The following PHF8 variants were observed in gnomAD, a reference collection of about 807,000 sequenced individuals.
PHF8 encodes histone lysine demethylase PHF8.
Under a neutral mutation model 74.4 loss-of-function variants are expected in PHF8, and 9 were observed. That is an observed-to-expected ratio of 0.12 (90% CI 0.07 to 0.21). PHF8 has a LOEUF of 0.21. PHF8 is among the 10% of genes least tolerant of loss of function. The pLI, the probability that PHF8 is intolerant of heterozygous loss-of-function variation, is 1.00. For synonymous variants in PHF8, 311 were observed against 316.6 expected (o/e 0.98, Z 0.19); for missense variants, 478 against 816.6 (o/e 0.59, Z 5.05).
chrX:54,042,434 A>G (rs1387787501), intron 2 of PHF8, among the ~76,000 whole-genome samples, 197 bp downstream of exon 2: 1 of 109,973 alleles, frequency 9.1e-6, no homozygotes, highest in Non-Finnish European at 1.9e-5. Flanking sequence ...GAAGAAATAC[A>G]TAGGGGAAAA....
chrX:53,959,087 C>T (rs1179971072), intron 19 of PHF8, among the ~76,000 whole-genome samples: 1 of 111,382 alleles, frequency 9.0e-6, no homozygotes, highest in Non-Finnish European at 1.9e-5. Flanking sequence ...TATTTATAAA[C>T]AATGGCATAG....
chrX:53,999,682 T>C (rs1158210763), intron 11 of PHF8, 188 bp downstream of exon 11: 1 of 426,605 alleles, frequency 2.3e-6, no homozygotes, highest in Non-Finnish European at 4.1e-6. Flanking sequence ...TGTGATGTTG[T>C]ATTACTTTTT....
chrX:54,009,735 C>A lies in PHF8; in HGVS notation c.946+1387G>T, dbSNP rs188792670. 7.9e-3 allele frequency among the ~76,000 whole-genome samples: 815 copies of A among 102,951 alleles called. 3 individuals are homozygous for A. Among genetic ancestry groups the A allele is most frequent in the Middle Eastern group, 0.015 (3 of 201 alleles). The allele number at this position is 102,951 out of a possible 115,157, so 89.4% of individuals were successfully genotyped here. A position where few individuals can be genotyped will look rare whatever the true frequency, so the allele number is the denominator to read the frequency against. On this transcript the variant is annotated intron_variant, in intron 8 of 21. Transcript: ENST00000338154. ...GCAGGCACCTGTAATCCCAGCTACT[C>A]AGGAGGCTGAGGCAAGAGAATCACC... is the stretch of plus-strand genomic sequence containing the variant.
chrX:54,005,950 C>A (rs782010426), intron 8 of PHF8, among the ~76,000 whole-genome samples: 1 of 111,865 alleles, frequency 8.9e-6, no homozygotes, highest in Non-Finnish European at 1.9e-5. Flanking sequence ...TGGGTGAATA[C>A]CATAGAATTT....
intron 18 of PHF8, among the ~76,000 whole-genome samples, chrX:53,983,452 A>G (rs950261146): frequency 2.7e-5 from 3 of 111,786 alleles, no homozygotes; most frequent in Non-Finnish European, 5.6e-5. Context: ...AAAACAAACA[A>G]GACACCATCT....
At chrX:53,982,133 G>A (rs1557098185) in intron 18 of PHF8, among the ~76,000 whole-genome samples, 1 of 112,313 alleles carries the variant, frequency 8.9e-6, no homozygotes. Flanking sequence ...ATCAAGTCCA[G>A]ACATCTTAGC....
chrX:53,978,434 T>C (rs1301120772), intron 18 of PHF8, among the ~76,000 whole-genome samples: 1 of 112,084 alleles, frequency 8.9e-6, no homozygotes, highest in Non-Finnish European at 1.9e-5. Flanking sequence ...GTATAATCCA[T>C]ACAATGGAAT....
At position 53,985,816 on chromosome X, in the gene PHF8, G is replaced by A. The variant is rs367984813; in HGVS notation, c.2129C>T (p.Thr710Ile). 2.7e-5 allele frequency: 33 copies of A among 1,209,886 alleles called. No individual in the cohort carries two copies. The highest frequency in any genetic ancestry group is 8.8e-5 in the South Asian group (5 of 56,767). ...AGGGGAGATAAAAGCCAGTACTCAC[G>A]TGAGGGCAGCATAGTCAGGTCCCCC... ...QVGGPDYAAL[T>I]EAPASPSTQE... The change falls in exon 17 of 22, where the codon ACC becomes ATC. Residue 710 changes from threonine to isoleucine, a missense_variant and splice_region_variant. By Grantham distance (89) the Thr-to-Ile change is moderately conservative (BLOSUM62 -1). Transcript: ENST00000338154.
At chrX:54,039,315 G>A (rs2146517070) in intron 2 of PHF8, among the ~76,000 whole-genome samples, 1 of 111,669 alleles carries the variant, frequency 9.0e-6, no homozygotes, top group East Asian at 2.8e-4. Context: ...TAAGCCTGGT[G>A]TGTTTCTGTG....
chrX:54,014,933 C>T (rs1309283343), intron 6 of PHF8, among the ~76,000 whole-genome samples: 2 of 112,003 alleles, frequency 1.8e-5, no homozygotes, highest in African/African-American at 3.2e-5. Flanking sequence ...ACTAGAGCAA[C>T]CTCACAGGGC....
chrX:54,017,587 G>GA, intron 5 of PHF8, 74 bp downstream of exon 5: 1 of 933,149 alleles, frequency 1.1e-6, no homozygotes, highest in Non-Finnish European at 1.5e-6. Flanking sequence ...TGCAAAAACA[G>GA]ATTGGAGGGG....
In PHF8 at chrX:53,937,211, A is replaced by G. The variant is rs1557081933; in HGVS notation, c.*1947T>C. On this transcript the variant is annotated 3_prime_UTR_variant, in exon 22 of 22. Transcript: ENST00000338154. ...GGCTCTAAGAACCCAACTAAGCTAA[A>G]TGAAACCCAGTCAAACAGAGGCTGG... The G allele has an allele frequency of 8.9e-6, 1 of 111,856 alleles. No individual in the cohort carries two copies. The highest frequency in any genetic ancestry group is 9.5e-5 in the Admixed American group (1 of 10,488). 9.2% of individuals were successfully genotyped at this position (111,856 alleles called of 1,213,427 possible).
chrX:53,995,686 TC>T lies in PHF8; in HGVS notation c.1323+6del. 1.7e-6 allele frequency: 2 copies of T among 1,153,811 alleles called. No homozygotes were observed. The highest frequency in any genetic ancestry group is 2.4e-6 in the Non-Finnish European group (2 of 843,172). ...ATGCCTTTTCTTCCCTGCCCCATGC[TC>T]CTTACTTCCACCAGGCGGATCTCCC... On this transcript the variant is annotated splice_donor_region_variant and intron_variant, in intron 12 of 21. Transcript: ENST00000338154.
At position 54,011,132 on chromosome X, in the gene PHF8, G is replaced by A. The variant is rs782190302; in HGVS notation, c.936C>T (p.Phe312=). ...KCSVKQGQTL[F]IPTGWIHAVL... is the part of the protein sequence containing the mutation. ...CACCCAAGGGAAGACCTGTGGGAAT[G>A]AAAAGTGTCTGTCCTTGCTTCACGG... The change falls in exon 8 of 22, where the codon TTC becomes TTT. Residue 312 remains phenylalanine, a synonymous_variant. Coordinates refer to ENST00000338154, the MANE Select transcript of PHF8 (RefSeq NM_015107.3). 19 of 1,210,504 alleles carry A rather than the reference G, an allele frequency of 1.6e-5. No homozygotes were observed. The Admixed American group carries it at 3.9e-4, about 25-fold the overall frequency.
At chrX:54,018,019 A>C (rs1339156425) in intron 4 of PHF8, among the ~76,000 whole-genome samples, 198 bp from the exon 5 acceptor site, 1 of 111,778 alleles carries the variant, frequency 8.9e-6, no homozygotes, top group Non-Finnish European at 1.9e-5. Context: ...AGAGGTGGGG[A>C]GTATTCTGCC....
intron 20 of PHF8, among the ~76,000 whole-genome samples, chrX:53,942,027 C>T (rs1432321374): frequency 8.9e-6 from 1 of 111,834 alleles, no homozygotes; most frequent in Non-Finnish European, 1.9e-5. Context: ...GATCACTAGC[C>T]TAAATTTTGC....
In PHF8 at chrX:54,017,841, A is replaced by C; in HGVS notation, c.294-20T>G. On this transcript the variant is annotated intron_variant, in intron 4 of 21. Transcript: ENST00000338154. ...TCTGAGCTGTGGGCCGCAGGAGAGA[A>C]AGCTTGAGCCTGAGGCCCTGCCCAC... is the stretch of plus-strand genomic sequence containing the variant. 1 of 1,206,184 alleles carries C rather than the reference A, an allele frequency of 8.3e-7. No individual in the cohort carries two copies. Among genetic ancestry groups the C allele is most frequent in the Non-Finnish European group, 1.1e-6 (1 of 890,801 alleles).
intron 2 of PHF8, among the ~76,000 whole-genome samples, chrX:54,023,841 C>CAAAAAAAA (rs782579990): frequency 2.6e-5 from 1 of 39,185 alleles, no homozygotes. Context: ...ACCCTGTCTC[C>CAAAAAAAA]AAAAAAAAAA....
intron 18 of PHF8, among the ~76,000 whole-genome samples, chrX:53,972,279 C>T (rs956366786): frequency 2.1e-5 from 2 of 96,593 alleles, no homozygotes; most frequent in African/African-American, 8.1e-5. Flanking sequence ...GCAGAGATCA[C>T]GTCACTGCAC....
Sources: gnomAD v4.1 joint callset for allele counts (sites outside exome capture counted in the v4.1 genomes callset) on GRCh38, gnomAD v4.1.1 for gene constraint, MANE v1.5 for transcripts, NCBI Gene and HGNC (gene_info 2026-07-23, HGNC 2026-07-21) for gene names.